The following RXFP2 variants were observed in gnomAD, a reference collection of about 807,000 sequenced individuals.
RXFP2 encodes relaxin family peptide receptor 2.
In RXFP2, 68 loss-of-function variants were observed where a neutral mutation model predicts 88.6. The observed-to-expected ratio is 0.77, with a 90% confidence interval of 0.63 to 0.94. The LOEUF (loss-of-function observed/expected upper bound fraction) is 0.94, where lower values mean the gene tolerates loss of function less well. Among genes scored for constraint, RXFP2 ranks in the 40% least tolerant of loss-of-function variants. RXFP2 has a pLI of 0.00. For synonymous variants in RXFP2, 329 were observed against 306.8 expected (o/e 1.07, Z -0.76); for missense variants, 791 against 893.9 (o/e 0.88, Z 1.47).
chr13:31,751,077 G>A (rs996104523), intron 1 of RXFP2, among the ~76,000 whole-genome samples: 1 of 152,076 alleles, frequency 6.6e-6, no homozygotes, highest in Non-Finnish European at 1.5e-5. Context: ...ATCATCTGAG[G>A]TCAGGAGTTC....
intron 1 of RXFP2, among the ~76,000 whole-genome samples, chr13:31,741,171 C>A (rs114954516): frequency 0.012 from 1,839 of 151,962 alleles, 41 homozygotes; most frequent in African/African-American, 0.042. Flanking sequence ...TGTAAAGTCA[C>A]CCTTTAAACT....
chr13:31,765,926 T>A (rs933893367), intron 4 of RXFP2, 30 bp from the exon 5 acceptor site: 4 of 1,120,644 alleles, frequency 3.6e-6, no homozygotes, highest in Non-Finnish European at 5.4e-6. Context: ...TAACAATCCA[T>A]AATGAAGTTT....
intron 13 of RXFP2, 104 bp downstream of exon 13, chr13:31,786,741 G>T: frequency 2.7e-6 from 2 of 735,330 alleles, no homozygotes; most frequent in Non-Finnish European, 4.8e-6. Flanking sequence ...ATGCATTTCA[G>T]ACAACTGTCT....
At chr13:31,743,458 ACT>A (rs1246115893) in intron 1 of RXFP2, among the ~76,000 whole-genome samples, 4 of 142,794 alleles carry the variant, frequency 2.8e-5, no homozygotes, top group Non-Finnish European at 6.2e-5. Context: ...ACAGAGCGAG[ACT>A]CTGTCTCAAA....
At chr13:31,769,614 G>A (rs776064925) in intron 5 of RXFP2, among the ~76,000 whole-genome samples, 1 of 152,234 alleles carries the variant, frequency 6.6e-6, no homozygotes, top group Non-Finnish European at 1.5e-5. Flanking sequence ...GGAAGAACTC[G>A]CATCCCTTTC....
At chr13:31,776,551 G>A (rs758415404) in intron 7 of RXFP2, among the ~76,000 whole-genome samples, 8 of 151,866 alleles carry the variant, frequency 5.3e-5, no homozygotes, top group Non-Finnish European at 8.8e-5. Flanking sequence ...GAGCCACCAC[G>A]CCCAGCCCAG....
chr13:31,779,762 T>C (rs1873180539), intron 9 of RXFP2, among the ~76,000 whole-genome samples: 1 of 152,176 alleles, frequency 6.6e-6, no homozygotes, highest in Admixed American at 6.5e-5. Context: ...TTTTAGTACT[T>C]CAGCTTTTGA....
intron 7 of RXFP2, among the ~76,000 whole-genome samples, 177 bp downstream of exon 7, chr13:31,775,566 G>T (rs547548785): frequency 1.3e-5 from 2 of 152,290 alleles, no homozygotes; most frequent in Admixed American, 1.3e-4. Context: ...TAGTGGTTAT[G>T]TGCCTGTGCA....
intron 14 of RXFP2, among the ~76,000 whole-genome samples, chr13:31,789,705 A>G (rs1873708343): frequency 6.6e-6 from 1 of 152,216 alleles, no homozygotes; most frequent in African/African-American, 2.4e-5. Context: ...GTGTTAATAT[A>G]TGTGTTCATA....
intron 5 of RXFP2, among the ~76,000 whole-genome samples, chr13:31,767,028 C>A (rs1220779447): frequency 6.6e-6 from 1 of 152,090 alleles, no homozygotes; most frequent in Admixed American, 6.5e-5. Context: ...ATTGTTTTAT[C>A]CTTCAATATC....
rs1006440867 is a variant in RXFP2, at chr13:31,792,157, C to T, written c.1375+122C>T. The T allele has an allele frequency of 8.0e-6, 6 of 752,392 alleles. No individual in the cohort carries two copies. The East Asian group carries it at 8.1e-5, about 10-fold the overall frequency. The allele number at this position is 752,392 out of a possible 1,614,324, so 46.6% of individuals were successfully genotyped here. On this transcript the variant is annotated intron_variant, in intron 15 of 17. Coordinates refer to ENST00000298386, the MANE Select transcript of RXFP2 (RefSeq NM_130806.5). ...TAATGTGAATTATACATCCTGGGCA[C>T]ATTTTTTTTTCTAAATATAAAAGTT...
chr13:31,763,269 G>C (rs1872388784), intron 3 of RXFP2, among the ~76,000 whole-genome samples: 1 of 151,936 alleles, frequency 6.6e-6, no homozygotes, highest in South Asian at 2.1e-4. Context: ...ATTCTTTGTA[G>C]AGATGGGGTC....
At chr13:31,797,488 A>T in intron 17 of RXFP2, 69 bp downstream of exon 17, 1 of 1,087,024 alleles carries the variant, frequency 9.2e-7, no homozygotes, top group Non-Finnish European at 1.4e-6. Flanking sequence ...TGACAAGGCC[A>T]GAGTCTAGGA....
intron 8 of RXFP2, among the ~76,000 whole-genome samples, chr13:31,777,660 A>G (rs1873057216): frequency 6.6e-6 from 1 of 152,210 alleles, no homozygotes; most frequent in Non-Finnish European, 1.5e-5. Flanking sequence ...GAATATTTTA[A>G]GCCTACTAGT....
At position 31,769,860 on chromosome 13, in the gene RXFP2, G is replaced by T. The variant is rs9566491; in HGVS notation, c.497+3833G>T. ...CAGCTTTTCTTACCGGAGTGTGAAG[G>T]TCTTTTTGTATTTTCCATCATAGTC... is the stretch of plus-strand genomic sequence containing the variant. On this transcript the variant is annotated intron_variant, in intron 5 of 17. Transcript: ENST00000298386. 8.6e-3 allele frequency among the ~76,000 whole-genome samples: 1,304 copies of T among 152,156 alleles called. 50 individuals are homozygous for T. In the East Asian group the frequency reaches 0.13, roughly 15 times the overall value.
At chr13:31,758,481 T>C (rs1872082995) in intron 2 of RXFP2, 77 bp downstream of exon 2, 1 of 1,532,332 alleles carries the variant, frequency 6.5e-7, no homozygotes, top group Non-Finnish European at 9.0e-7. Flanking sequence ...TGGATAATGA[T>C]TGTGATAAAC....
chr13:31,759,274 A>G (rs560115346), intron 2 of RXFP2, among the ~76,000 whole-genome samples: 1 of 151,604 alleles, frequency 6.6e-6, no homozygotes, highest in South Asian at 2.1e-4. Context: ...GTGATAAATA[A>G]GGAAATGAAA....
At chr13:31,745,633 C>T (rs960149256) in intron 1 of RXFP2, among the ~76,000 whole-genome samples, 5 of 152,178 alleles carry the variant, frequency 3.3e-5, no homozygotes, top group African/African-American at 9.7e-5. Flanking sequence ...AGTGGTTTTA[C>T]GTCCTCTCGC....
chr13:31,774,646 ACATATCCAGGAAAG>A lies in RXFP2; in HGVS notation c.528_541del (p.Ser177PhefsTer5), dbSNP rs1566227009. 1 of 1,561,808 alleles carries A rather than the reference ACATATCCAGGAAAG, an allele frequency of 6.4e-7. No individual in the cohort carries two copies. Among genetic ancestry groups the A allele is most frequent in the Non-Finnish European group, 8.8e-7 (1 of 1,132,458 alleles). ...TTTCTTCAGCATAATTGCATTAGAC[ACATATCCAGGAAAG>A]CATTTTTTGGATTATGTAATCTGCA... On this transcript the variant is annotated frameshift_variant, in exon 6 of 18. Coordinates refer to ENST00000298386, the MANE Select transcript of RXFP2 (RefSeq NM_130806.5). LOFTEE classifies it high-confidence loss of function.
Sources: gnomAD v4.1 joint callset for allele counts (sites outside exome capture counted in the v4.1 genomes callset) on GRCh38, gnomAD v4.1.1 for gene constraint, MANE v1.5 for transcripts, NCBI Gene and HGNC (gene_info 2026-07-23, HGNC 2026-07-21) for gene names.